TENM2: variants seen among roughly 807,000 people sequenced by gnomAD.
TENM2 encodes the protein teneurin-2.
Under a neutral mutation model 245.2 loss-of-function variants are expected in TENM2, and 52 were observed. That is an observed-to-expected ratio of 0.21 (90% CI 0.17 to 0.27). The LOEUF (loss-of-function observed/expected upper bound fraction) is 0.27. Ranked by LOEUF, TENM2 falls within the 10% of genes least tolerant of loss-of-function variation. The pLI, the probability that TENM2 is intolerant of heterozygous loss-of-function variation, is 1.00. For synonymous variants in TENM2, 1,363 were observed against 1,438.9 expected, an observed-to-expected ratio of 0.95 and a Z score of 1.19; for missense variants, 3,046 against 3,666.8, an observed-to-expected ratio of 0.83 and a Z score of 4.37.
At chr5:167,638,857 T>C (rs1779380327) in intron 2 of TENM2, among the ~76,000 whole-genome samples, 1 of 152,222 alleles carries the variant, frequency 6.6e-6, no homozygotes, top group South Asian at 2.1e-4. Context: ...AGGAGATCTG[T>C]AGTTACTCTA....
chr5:168,017,908 TC>T (rs1785800790), intron 5 of TENM2, among the ~76,000 whole-genome samples: 1 of 152,206 alleles, frequency 6.6e-6, no homozygotes, highest in South Asian at 2.1e-4. Context: ...GTCACTTTCT[TC>T]TTGACATAAT....
At chr5:167,452,934 TATA>T (rs1561968023) in intron 2 of TENM2, among the ~76,000 whole-genome samples, 2 of 2,592 alleles carry the variant, frequency 7.7e-4, no homozygotes, top group African/African-American at 8.5e-4. Context: ...GTATGATTTA[TATA>T]TATATATATA....
At chr5:167,275,478 C>G in the TENM2 span, among the ~76,000 whole-genome samples, 263 of 152,150 alleles carry the variant, frequency 1.7e-3, 2 homozygotes, top group African/African-American at 5.9e-3. Flanking sequence ...CTGTTGAGTC[C>G]TTCAATCCAT....
the TENM2 span, among the ~76,000 whole-genome samples, chr5:167,231,034 T>C: frequency 6.6e-6 from 1 of 152,156 alleles, no homozygotes; most frequent in Admixed American, 6.5e-5. Context: ...TCATTCTCTC[T>C]CCTGCTGCCC....
chr5:167,183,924 A>G, the TENM2 span, among the ~76,000 whole-genome samples: 1 of 152,194 alleles, frequency 6.6e-6, no homozygotes, highest in Admixed American at 6.5e-5. Flanking sequence ...CATTAACAGT[A>G]ATTTTGTAAT....
At chr5:167,816,786 G>A in intron 2 of TENM2, among the ~76,000 whole-genome samples, 1 of 152,094 alleles carries the variant, frequency 6.6e-6, no homozygotes, top group South Asian at 2.1e-4. Flanking sequence ...CCCACACATT[G>A]TAAAAGTACA....
At chr5:167,323,441 T>G (rs1261522682) in intron 1 of TENM2, among the ~76,000 whole-genome samples, 1 of 152,226 alleles carries the variant, frequency 6.6e-6, no homozygotes, top group East Asian at 1.9e-4. Flanking sequence ...GTTATATGTG[T>G]ATATATGTAT....
the TENM2 span, among the ~76,000 whole-genome samples, chr5:167,017,810 C>T: frequency 6.6e-6 from 1 of 152,094 alleles, no homozygotes; most frequent in Non-Finnish European, 1.5e-5. Context: ...GATGCCATAG[C>T]ATTCTTGAAA....
At chr5:167,584,632 G>A (rs891116882) in intron 2 of TENM2, among the ~76,000 whole-genome samples, 4 of 152,010 alleles carry the variant, frequency 2.6e-5, no homozygotes, top group African/African-American at 9.7e-5. Flanking sequence ...AGCATCAATC[G>A]GCCTTAGATT....
At chr5:167,579,895 C>A (rs754325828) in intron 2 of TENM2, among the ~76,000 whole-genome samples, 1 of 152,142 alleles carries the variant, frequency 6.6e-6, no homozygotes. Context: ...TACATGATAT[C>A]CTGCAGGTTT....
chr5:167,466,716 C>A (rs939418872), intron 2 of TENM2, among the ~76,000 whole-genome samples: 8 of 152,146 alleles, frequency 5.3e-5, no homozygotes, highest in African/African-American at 1.9e-4. Flanking sequence ...CAAAGTGTAT[C>A]TTTAACTTTG....
At chr5:167,710,343 T>G (rs1758827187) in intron 2 of TENM2, among the ~76,000 whole-genome samples, 1 of 135,922 alleles carries the variant, frequency 7.4e-6, no homozygotes, top group South Asian at 2.3e-4. Context: ...TTCGATTTCA[T>G]GGGGGAAAAA....
chr5:167,196,218 A>C, the TENM2 span, among the ~76,000 whole-genome samples: 1 of 152,026 alleles, frequency 6.6e-6, no homozygotes, highest in African/African-American at 2.4e-5. Context: ...TAAACATATA[A>C]ACATAGACAA....
At chr5:167,587,426 T>G (rs551520597) in intron 2 of TENM2, among the ~76,000 whole-genome samples, 3 of 152,190 alleles carry the variant, frequency 2.0e-5, no homozygotes, top group Non-Finnish European at 4.4e-5. Flanking sequence ...AGAATAGTAT[T>G]GAAATGGCTC....
intron 2 of TENM2, among the ~76,000 whole-genome samples, chr5:167,839,955 T>C (rs1265374343): frequency 6.6e-6 from 1 of 152,172 alleles, no homozygotes; most frequent in Non-Finnish European, 1.5e-5. Context: ...GTAGCTGGGA[T>C]TACAGGCATG....
At chr5:167,337,913 A>T (rs1038583722) in intron 1 of TENM2, among the ~76,000 whole-genome samples, 2 of 152,198 alleles carry the variant, frequency 1.3e-5, no homozygotes, top group African/African-American at 4.8e-5. Context: ...GTTCATCATT[A>T]AAAAAATACT....
chr5:167,819,712 G>A (rs1038742143), intron 2 of TENM2, among the ~76,000 whole-genome samples: 1 of 152,194 alleles, frequency 6.6e-6, no homozygotes, highest in African/African-American at 2.4e-5. Context: ...ATAATGTGCT[G>A]TTGAGCTATA....
chr5:167,006,786 C>T, the TENM2 span, among the ~76,000 whole-genome samples: 1 of 152,214 alleles, frequency 6.6e-6, no homozygotes, highest in Non-Finnish European at 1.5e-5. Context: ...CCTGCCTCAG[C>T]CTCCCAAGTA....
the TENM2 span, among the ~76,000 whole-genome samples, chr5:167,023,367 A>G: frequency 6.6e-6 from 1 of 152,224 alleles, no homozygotes; most frequent in Admixed American, 6.5e-5. Flanking sequence ...CTCACATTAT[A>G]CCTGTCACAG....
Sources: allele counts gnomAD v4.1 joint callset (sites outside exome capture counted in the v4.1 genomes callset), GRCh38; gene constraint gnomAD v4.1.1; transcripts MANE v1.5; gene names NCBI Gene and HGNC (gene_info 2026-07-23, HGNC 2026-07-21).